CREM: variants seen among roughly 807,000 people sequenced by gnomAD.
CREM encodes cAMP responsive element modulator, also known as cAMP-responsive element modulator.
A neutral mutation model predicts 37.3 loss-of-function variants in CREM; 13 were observed. The ratio of observed to expected loss-of-function variants is 0.35; its 90% confidence interval spans 0.23 to 0.55. The LOEUF is 0.55. CREM is among the 20% of genes least tolerant of loss of function. The pLI is 0.88. For synonymous variants in CREM, 124 were observed against 120.2 expected (o/e 1.03, Z -0.21); for missense variants, 296 against 362.3 (o/e 0.82, Z 1.49).
chr10:35,207,988 T>C (rs1421269942), intron 7 of CREM, among the ~76,000 whole-genome samples: 1 of 152,232 alleles, frequency 6.6e-6, no homozygotes, highest in Non-Finnish European at 1.5e-5. Flanking sequence ...TAAAGGACTT[T>C]GTTAGAAACA....
chr10:35,204,565 G>A (rs955776310), intron 6 of CREM, among the ~76,000 whole-genome samples: 4 of 141,762 alleles, frequency 2.8e-5, no homozygotes, highest in South Asian at 2.2e-4. Flanking sequence ...GCACCAGTGC[G>A]CTCCAGCCTG....
intron 7 of CREM, among the ~76,000 whole-genome samples, chr10:35,209,920 T>G (rs2095627093): frequency 6.6e-6 from 1 of 152,220 alleles, no homozygotes; most frequent in Non-Finnish European, 1.5e-5. Flanking sequence ...GAACTTTGTA[T>G]GTTCACAGGG....
At chr10:35,134,767 A>G (rs1417562909) in intron 1 of CREM, among the ~76,000 whole-genome samples, 2 of 152,086 alleles carry the variant, frequency 1.3e-5, no homozygotes, top group Non-Finnish European at 2.9e-5. Flanking sequence ...GCCTGGCATG[A>G]TGGCTCAAGC....
At chr10:35,144,332 A>T (rs2135834690) in intron 2 of CREM, among the ~76,000 whole-genome samples, 1 of 152,232 alleles carries the variant, frequency 6.6e-6, no homozygotes, top group East Asian at 1.9e-4. Context: ...ATTCTGACTG[A>T]TTATATATAG....
chr10:35,130,318 T>C (rs1318590763), intron 1 of CREM, among the ~76,000 whole-genome samples: 1 of 152,168 alleles, frequency 6.6e-6, no homozygotes, highest in Non-Finnish European at 1.5e-5. Flanking sequence ...ATTTTAAATG[T>C]CTTTTGCAAT....
At chr10:35,159,012 A>AT (rs2093124193) in intron 3 of CREM, among the ~76,000 whole-genome samples, 1 of 151,822 alleles carries the variant, frequency 6.6e-6, no homozygotes, top group Admixed American at 6.6e-5. Flanking sequence ...TGATTAAATA[A>AT]TTTTTCCCCC....
intron 3 of CREM, among the ~76,000 whole-genome samples, chr10:35,166,744 A>C (rs991665136): frequency 6.6e-6 from 1 of 152,090 alleles, no homozygotes; most frequent in African/African-American, 2.4e-5. Context: ...CAAAACAAAA[A>C]ACACCTTCAT....
At chr10:35,191,086 T>TTTTTTTTATTTATTTATTTA (rs148704946) in intron 6 of CREM, among the ~76,000 whole-genome samples, 2 of 147,992 alleles carry the variant, frequency 1.4e-5, no homozygotes, top group African/African-American at 4.9e-5. Context: ...ACATTTTTCT[T>TTTTTTTTATTTATTTATTTA]TTTATTTATT....
At chr10:35,206,508 T>C (rs1306138160) in intron 6 of CREM, among the ~76,000 whole-genome samples, 2 of 152,196 alleles carry the variant, frequency 1.3e-5, no homozygotes, top group African/African-American at 4.8e-5. Context: ...GGTGGAAGTA[T>C]TTACATCGTG....
At chr10:35,139,758 T>G (rs2091175872) in intron 2 of CREM, among the ~76,000 whole-genome samples, 1 of 152,208 alleles carries the variant, frequency 6.6e-6, no homozygotes, top group Non-Finnish European at 1.5e-5. Context: ...CTCTTCAATT[T>G]TAATGTATTT....
At chr10:35,146,051 G>C (rs2092075883) in intron 2 of CREM, among the ~76,000 whole-genome samples, 1 of 152,228 alleles carries the variant, frequency 6.6e-6, no homozygotes, top group South Asian at 2.1e-4. Context: ...GATTCCATCA[G>C]GGCAAGGGCC....
chr10:35,197,771 T>G (rs1304924474), intron 6 of CREM, among the ~76,000 whole-genome samples: 1 of 152,190 alleles, frequency 6.6e-6, no homozygotes, highest in Non-Finnish European at 1.5e-5. Context: ...TTTACTTTAT[T>G]TTTTTAAAGC....
At chr10:35,155,632 T>TTTTTTTTTTCTTTTCTTTTC (rs2092851320) in intron 3 of CREM, among the ~76,000 whole-genome samples, 1 of 16,922 alleles carries the variant, frequency 5.9e-5, no homozygotes. Context: ...TTTTCTTTTC[T>TTTTTTTTTTCTTTTCTTTTC]TTTTTTTTTT....
At chr10:35,183,381 C>T (rs924336502) in intron 5 of CREM, among the ~76,000 whole-genome samples, 5 of 152,278 alleles carry the variant, frequency 3.3e-5, no homozygotes, top group African/African-American at 7.2e-5. Flanking sequence ...CTTACACATT[C>T]GAAAGTTAAT....
chr10:35,154,236 C>T (rs1482870638), intron 3 of CREM: 4 of 393,030 alleles, frequency 1.0e-5, no homozygotes, highest in Non-Finnish European at 1.3e-5. Flanking sequence ...CCCAGCTATG[C>T]CAAAAATCTT....
At chr10:35,140,708 G>T (rs1014190248) in intron 2 of CREM, among the ~76,000 whole-genome samples, 1 of 152,170 alleles carries the variant, frequency 6.6e-6, no homozygotes, top group Non-Finnish European at 1.5e-5. Flanking sequence ...TCTGCCCATG[G>T]CTATTAGAAT....
rs956800246 is a variant in CREM, at chr10:35,185,127, C to T, written c.410-3073C>T. On this transcript the variant is annotated intron_variant, in intron 5 of 7. Transcript: ENST00000685392. Reference sequence around the variant, plus strand: ...ACTTCTTTTTTTTTTTTTTTTGAGACGGAGTTTTGCTCTTGTCCAGGCTGG... The same window carrying T: ...ACTTCTTTTTTTTTTTTTTTTGAGATGGAGTTTTGCTCTTGTCCAGGCTGG... 3.6e-5 allele frequency among the ~76,000 whole-genome samples: 5 copies of T among 137,670 alleles called. No homozygotes were observed. The Admixed American group carries it at 3.8e-4, about 10-fold the overall frequency. 90.3% of individuals were successfully genotyped at this position (137,670 alleles called of 152,430 possible).
At chr10:35,154,545 A>C (rs1432833679) in intron 3 of CREM, 4 of 152,750 alleles carry the variant, frequency 2.6e-5, no homozygotes, top group Non-Finnish European at 5.8e-5. Context: ...ATTTTGAAAT[A>C]AAAGTTTCTG....
At chr10:35,205,461 G>C (rs992087634) in intron 6 of CREM, among the ~76,000 whole-genome samples, 1 of 152,146 alleles carries the variant, frequency 6.6e-6, no homozygotes, top group African/African-American at 2.4e-5. Flanking sequence ...TGAAACTGCA[G>C]TGAGCTCAAT....
Sources: gnomAD v4.1 joint callset for allele counts (sites outside exome capture counted in the v4.1 genomes callset) on GRCh38, gnomAD v4.1.1 for gene constraint, MANE v1.5 for transcripts, NCBI Gene and HGNC (gene_info 2026-07-23, HGNC 2026-07-21) for gene names.